Variants in ARID4B observed in about 807,000 individuals in gnomAD.
The protein encoded by ARID4B is AT-rich interactive domain-containing protein 4B.
A neutral mutation model predicts 147.5 loss-of-function variants in ARID4B; 26 were observed. That is an observed-to-expected ratio of 0.18 (90% CI 0.13 to 0.24). The LOEUF (loss-of-function observed/expected upper bound fraction) is 0.24. ARID4B is among the 10% of genes least tolerant of loss of function. The pLI, the probability that ARID4B is intolerant of heterozygous loss-of-function variation, is 1.00. For missense variants in ARID4B, 1,179 were observed against 1,511.5 expected, an observed-to-expected ratio of 0.78 and a Z score of 3.65; for synonymous variants, 512 against 507.9, an observed-to-expected ratio of 1.01 and a Z score of -0.11.
Position 235,193,341 on chromosome 1 carries a change from G to A in ARID4B, c.2125+672C>T, listed in dbSNP as rs371750878. Among the ~76,000 whole-genome samples, 7 of 152,300 alleles carry A rather than the reference G, an allele frequency of 4.6e-5. No homozygotes were observed. In the South Asian group the frequency reaches 6.2e-4, roughly 14 times the overall value. ...GAGTCTGGGAGGTTGAGGCTGAAGT[G>A]AGCTGAGATTGCACCACTGTACTCC... On this transcript the variant is annotated intron_variant, in intron 19 of 23. Transcript: ENST00000264183.
At chr1:235,190,371 C>T (rs7550700) in intron 19 of ARID4B, among the ~76,000 whole-genome samples, 1 of 151,936 alleles carries the variant, frequency 6.6e-6, no homozygotes, top group Admixed American at 6.6e-5. Flanking sequence ...ACACTTGAAC[C>T]CAGGAGGCAG....
intron 12 of ARID4B, among the ~76,000 whole-genome samples, chr1:235,223,822 A>T (rs1044104275): frequency 1.3e-5 from 2 of 151,702 alleles, no homozygotes; most frequent in Admixed American, 6.6e-5. Context: ...AAAATATATG[A>T]CTGGCTTAAT....
At chr1:235,236,832 A>AT (rs1355782523) in intron 8 of ARID4B, among the ~76,000 whole-genome samples, 1,566 of 37,302 alleles carry the variant, frequency 0.042, 191 homozygotes, top group South Asian at 0.11. Flanking sequence ...GTTTTATAAA[A>AT]AATATATATA....
intron 21 of ARID4B, among the ~76,000 whole-genome samples, chr1:235,177,262 A>G (rs540817905): frequency 6.6e-6 from 1 of 152,362 alleles, no homozygotes; most frequent in Admixed American, 6.5e-5. Context: ...GATACATTTT[A>G]TAGCAAGTGA....
chr1:235,295,206 G>T (rs559657725), intron 2 of ARID4B, among the ~76,000 whole-genome samples: 1 of 152,154 alleles, frequency 6.6e-6, no homozygotes, highest in Non-Finnish European at 1.5e-5. Flanking sequence ...AACATTTTTA[G>T]CATAAGATAA....
At chr1:235,178,255 T>A (rs908306894) in intron 20 of ARID4B, among the ~76,000 whole-genome samples, 2 of 152,268 alleles carry the variant, frequency 1.3e-5, no homozygotes, top group South Asian at 4.1e-4. Flanking sequence ...CTGAAATTTG[T>A]TAAGATTCAA....
At chr1:235,178,822 GA>G (rs1350643401) in intron 20 of ARID4B, among the ~76,000 whole-genome samples, 14 of 150,660 alleles carry the variant, frequency 9.3e-5, no homozygotes, top group African/African-American at 3.4e-4. Flanking sequence ...TCAAAAACAG[GA>G]CAAGTAATTA....
intron 2 of ARID4B, among the ~76,000 whole-genome samples, chr1:235,264,261 G>A (rs1389028817): frequency 6.6e-6 from 1 of 152,128 alleles, no homozygotes; most frequent in Non-Finnish European, 1.5e-5. Flanking sequence ...TACAAAGGTG[G>A]TCAGAACGGC....
chr1:235,307,306 G>A (rs1483458377), intron 2 of ARID4B, among the ~76,000 whole-genome samples: 1 of 152,116 alleles, frequency 6.6e-6, no homozygotes, highest in Non-Finnish European at 1.5e-5. Context: ...TTAGCTGAAT[G>A]TGGTGGCGCA....
intron 2 of ARID4B, among the ~76,000 whole-genome samples, chr1:235,309,209 G>A (rs578259215): frequency 1.5e-5 from 2 of 135,650 alleles, no homozygotes; most frequent in African/African-American, 2.8e-5. Flanking sequence ...CGGCCGCCCC[G>A]TCTGAGAAGT....
At chr1:235,317,186 T>C (rs1674498469) in intron 2 of ARID4B, among the ~76,000 whole-genome samples, 1 of 152,176 alleles carries the variant, frequency 6.6e-6, no homozygotes, top group Non-Finnish European at 1.5e-5. Context: ...CAGTGACTAG[T>C]TGATTACTTT....
chr1:235,265,677 C>T (rs953873066), intron 2 of ARID4B, among the ~76,000 whole-genome samples: 6 of 149,852 alleles, frequency 4.0e-5, no homozygotes, highest in African/African-American at 7.4e-5. Flanking sequence ...CTAACCTGGG[C>T]GACACTGAGA....
intron 2 of ARID4B, among the ~76,000 whole-genome samples, chr1:235,297,627 G>C (rs1672835161): frequency 6.6e-6 from 1 of 152,014 alleles, no homozygotes; most frequent in Non-Finnish European, 1.5e-5. Context: ...TAAAACCACT[G>C]ACCAATCCCA....
intron 5 of ARID4B, among the ~76,000 whole-genome samples, chr1:235,255,271 C>CTATCTATCTATCTATCTA (rs767376155): frequency 1.0e-3 from 54 of 52,702 alleles, no homozygotes; most frequent in Admixed American, 4.1e-3. Flanking sequence ...AGATATATAT[C>CTATCTATCTATCTATCTA]TCTCTCTCTC....
chr1:235,238,153 A>AAAAAGAAAAGAAAAGAAAAGAAAAG (rs1232349730), intron 8 of ARID4B, among the ~76,000 whole-genome samples: 5 of 141,762 alleles, frequency 3.5e-5, no homozygotes, highest in African/African-American at 1.1e-4. Flanking sequence ...CAAAAAAAAA[A>AAAAAGAAAAGAAAAGAAAAGAAAAG]AAAAGAAAAG....
At chr1:235,217,807 T>C (rs889719240) in intron 16 of ARID4B, among the ~76,000 whole-genome samples, 2 of 152,160 alleles carry the variant, frequency 1.3e-5, no homozygotes, top group African/African-American at 2.4e-5. Flanking sequence ...AATTTTCCAC[T>C]GCAATTATCT....
Position 235,196,343 on chromosome 1 carries a change from G to C in ARID4B, c.1842-228C>G, listed in dbSNP as rs886573168. Reference sequence around the variant, plus strand: ...AGCTACTGGCCGAGCCAAGACTAGAGAGCATGATCTCATGATTCCTCAACT... The same window carrying C: ...AGCTACTGGCCGAGCCAAGACTAGACAGCATGATCTCATGATTCCTCAACT... On this transcript the variant is annotated intron_variant, in intron 17 of 23. Transcript: ENST00000264183. Among the ~76,000 whole-genome samples, 3 of 152,278 alleles carry C rather than the reference G, an allele frequency of 2.0e-5. No homozygotes were observed. In the East Asian group the frequency reaches 5.8e-4, roughly 29 times the overall value.
At chr1:235,294,981 C>G (rs545743183) in intron 2 of ARID4B, among the ~76,000 whole-genome samples, 1 of 151,026 alleles carries the variant, frequency 6.6e-6, no homozygotes, top group African/African-American at 2.4e-5. Flanking sequence ...TTTCAAGTAT[C>G]TTAAATATTA....
At chr1:235,191,460 T>A (rs1239883175) in intron 19 of ARID4B, among the ~76,000 whole-genome samples, 1 of 152,018 alleles carries the variant, frequency 6.6e-6, no homozygotes, top group Non-Finnish European at 1.5e-5. Context: ...TTCACCATGT[T>A]GGCCAGGCTG....
Sources: gnomAD v4.1 joint callset for allele counts (sites outside exome capture counted in the v4.1 genomes callset) on GRCh38, gnomAD v4.1.1 for gene constraint, MANE v1.5 for transcripts, NCBI Gene and HGNC (gene_info 2026-07-23, HGNC 2026-07-21) for gene names.